The following DMRT1 variants were observed in gnomAD, a reference collection of about 807,000 sequenced individuals.
DMRT1 encodes the protein doublesex- and mab-3-related transcription factor 1.
Under a neutral mutation model 32.3 loss-of-function variants are expected in DMRT1, and 7 were observed. That is an observed-to-expected ratio of 0.22 (90% CI 0.12 to 0.41). The LOEUF is 0.41. Ranked by LOEUF, DMRT1 falls within the 10% of genes least tolerant of loss-of-function variation. DMRT1 has a pLI of 1.00. For synonymous variants in DMRT1, 278 were observed against 206.1 expected (o/e 1.35, Z -2.99); for missense variants, 625 against 500.5 (o/e 1.25, Z -2.37).
chr9:891,625 C>G (rs908763257), intron 2 of DMRT1, among the ~76,000 whole-genome samples: 3 of 151,686 alleles, frequency 2.0e-5, no homozygotes, highest in African/African-American at 7.3e-5. Context: ...AGCGATTCTC[C>G]TGCCTCAGCC....
chr9:842,248 T>A (rs1838718746), intron 1 of DMRT1, 56 bp downstream of exon 1: 1 of 1,505,234 alleles, frequency 6.6e-7, no homozygotes, highest in Non-Finnish European at 8.8e-7. Flanking sequence ...TTTTTTTTTT[T>A]TTTTTAGATG....
In DMRT1 at chr9:852,117, A is replaced by G. The variant is rs532437856; in HGVS notation, c.538+4974A>G. ...ACCACCCGTTTAATTTTTGTATTTT[A>G]GTAGAGATGGGGTTTCACCATGTTG... On this transcript the variant is annotated intron_variant, in intron 2 of 4. Coordinates refer to ENST00000382276, the MANE Select transcript of DMRT1 (RefSeq NM_021951.3). Among the ~76,000 whole-genome samples the G allele has an allele frequency of 1.4e-4, 22 of 151,878 alleles. No homozygotes were observed. The East Asian group carries it at 4.3e-3, about 30-fold the overall frequency.
intron 2 of DMRT1, among the ~76,000 whole-genome samples, chr9:870,903 A>G (rs939197267): frequency 6.6e-6 from 1 of 151,744 alleles, no homozygotes; most frequent in African/African-American, 2.4e-5. Context: ...ATGTAGAAAC[A>G]GGGTTTCTCC....
intron 3 of DMRT1, among the ~76,000 whole-genome samples, chr9:907,174 G>A (rs1447664503): frequency 6.6e-6 from 1 of 152,176 alleles, no homozygotes; most frequent in Non-Finnish European, 1.5e-5. Flanking sequence ...ACATGTGAGA[G>A]AGTGGAGCGT....
At chr9:850,008 G>A (rs877400) in intron 2 of DMRT1, among the ~76,000 whole-genome samples, 106,090 of 152,088 alleles carry the variant, frequency 0.7, 37,889 homozygotes, top group Middle Eastern at 0.78. Context: ...AGTAGAGACG[G>A]GGTTTCCTCC....
chr9:872,596 G>T (rs1174758802), intron 2 of DMRT1, among the ~76,000 whole-genome samples: 1 of 152,156 alleles, frequency 6.6e-6, no homozygotes, highest in Non-Finnish European at 1.5e-5. Context: ...ATTTGTGTCT[G>T]ACTTCTTCCA....
At chr9:866,967 T>C (rs898532298) in intron 2 of DMRT1, among the ~76,000 whole-genome samples, 3 of 152,192 alleles carry the variant, frequency 2.0e-5, no homozygotes, top group East Asian at 3.9e-4. Flanking sequence ...ATTTTCATCA[T>C]GAAGCACCTG....
chr9:863,433 C>T (rs1316600054), intron 2 of DMRT1, among the ~76,000 whole-genome samples: 1 of 151,942 alleles, frequency 6.6e-6, no homozygotes, highest in Non-Finnish European at 1.5e-5. Flanking sequence ...AGAGACTTGA[C>T]CTGCTATTGC....
At chr9:961,442 C>T (rs1819770508) in intron 4 of DMRT1, among the ~76,000 whole-genome samples, 1 of 152,156 alleles carries the variant, frequency 6.6e-6, no homozygotes, top group African/African-American at 2.4e-5. Flanking sequence ...CTTCCTTCCT[C>T]CAAATGCTAG....
intron 2 of DMRT1, among the ~76,000 whole-genome samples, chr9:849,827 C>G (rs377422655): frequency 1.6e-5 from 1 of 61,820 alleles, no homozygotes; most frequent in African/African-American, 4.2e-5. Flanking sequence ...CTCTCTCTCT[C>G]TCTTTTTTTT....
At chr9:924,434 C>A (rs1818457291) in intron 4 of DMRT1, among the ~76,000 whole-genome samples, 1 of 152,128 alleles carries the variant, frequency 6.6e-6, no homozygotes, top group African/African-American at 2.4e-5. Flanking sequence ...ACACATGTAT[C>A]TATTTTTATA....
intron 3 of DMRT1, among the ~76,000 whole-genome samples, chr9:901,887 C>G (rs1308857742): frequency 1.3e-5 from 2 of 149,144 alleles, no homozygotes; most frequent in Admixed American, 1.3e-4. Flanking sequence ...CCATGGCCCA[C>G]ACCATCAGCA....
At position 859,563 on chromosome 9, in the gene DMRT1, C is replaced by G. The variant is rs534858473; in HGVS notation, c.538+12420C>G. ...TTCAGCCTGAAGGTGTCTTCACTTTCCAAATCACAAAAAAATCCAATTCGG... is the reference window on the plus strand; with the variant it reads ...TTCAGCCTGAAGGTGTCTTCACTTTGCAAATCACAAAAAAATCCAATTCGG... On this transcript the variant is annotated intron_variant, in intron 2 of 4. Transcript: ENST00000382276. 1.8e-4 allele frequency among the ~76,000 whole-genome samples: 28 copies of G among 152,232 alleles called. No homozygotes were observed. The Middle Eastern group carries it at 0.01, about 55-fold the overall frequency.
intron 3 of DMRT1, among the ~76,000 whole-genome samples, chr9:900,164 C>G (rs934163871): frequency 6.6e-6 from 1 of 151,804 alleles, no homozygotes; most frequent in African/African-American, 2.4e-5. Context: ...CTAAACCTTT[C>G]TACAGGTAGG....
At chr9:889,528 A>G (rs1219999817) in intron 2 of DMRT1, among the ~76,000 whole-genome samples, 1 of 152,254 alleles carries the variant, frequency 6.6e-6, no homozygotes, top group East Asian at 1.9e-4. Context: ...CAGCTGTAAC[A>G]AAACAAATTA....
At chr9:842,310 C>T in intron 1 of DMRT1, 118 bp downstream of exon 1, 2 of 1,318,086 alleles carry the variant, frequency 1.5e-6, no homozygotes, top group East Asian at 5.1e-5. Flanking sequence ...TCTTGGCTCA[C>T]TGCAACCTCC....
At chr9:883,153 C>G (rs1313649941) in intron 2 of DMRT1, among the ~76,000 whole-genome samples, 1 of 152,000 alleles carries the variant, frequency 6.6e-6, no homozygotes, top group Non-Finnish European at 1.5e-5. Flanking sequence ...GCTGCACTCC[C>G]CTTTGAACCA....
chr9:963,141 C>T (rs925325320), intron 4 of DMRT1, among the ~76,000 whole-genome samples: 1 of 152,136 alleles, frequency 6.6e-6, no homozygotes, highest in East Asian at 1.9e-4. Flanking sequence ...GTTGTATCAA[C>T]GAGGAAGCAC....
intron 1 of DMRT1, among the ~76,000 whole-genome samples, chr9:846,031 C>CTT (rs370176937): frequency 7.5e-5 from 10 of 132,948 alleles, no homozygotes; most frequent in African/African-American, 1.4e-4. Flanking sequence ...CTGTTTTTGC[C>CTT]TTTTTTTTTT....
Sources: gnomAD v4.1 joint callset for allele counts (sites outside exome capture counted in the v4.1 genomes callset) on GRCh38, gnomAD v4.1.1 for gene constraint, MANE v1.5 for transcripts, NCBI Gene and HGNC (gene_info 2026-07-23, HGNC 2026-07-21) for gene names.